CFAP54: variants seen among roughly 807,000 people sequenced by gnomAD.
CFAP54 encodes the protein cilia- and flagella-associated protein 54.
A neutral mutation model predicts 370.4 loss-of-function variants in CFAP54; 290 were observed. That is an observed-to-expected ratio of 0.78 (90% CI 0.71 to 0.86). CFAP54 has a LOEUF of 0.86. CFAP54 is among the 40% of genes least tolerant of loss of function. The pLI, the probability that CFAP54 is intolerant of heterozygous loss-of-function variation, is 0.00. For synonymous variants in CFAP54, 1,206 were observed against 1,236.5 expected (o/e 0.98, Z 0.52); for missense variants, 3,399 against 3,528.7 (o/e 0.96, Z 0.93).
At chr12:96,800,170 G>A (rs746527896) in intron 63 of CFAP54, among the ~76,000 whole-genome samples, 5 of 152,244 alleles carry the variant, frequency 3.3e-5, no homozygotes, top group South Asian at 2.1e-4. Context: ...GGCAGTTTGC[G>A]GCAGGATAAT....
chr12:96,720,564 A>T lies in CFAP54; in HGVS notation c.6964A>T (p.Ser2322Cys). ...TCTGCAGAGGCACCGGGCGGCATAC[A>T]GGTGCGTCTCTCCATGCACAGGGGA... ...VALQRHRAAYSAAIVFSTLTL... is the reference protein window; with the variant it reads ...VALQRHRAAYCAAIVFSTLTL... The change falls in exon 50 of 68, where the codon AGT becomes TGT. Residue 2322 changes from serine (S) to cysteine (C), a missense_variant and splice_region_variant. By Grantham distance (112) the Ser-to-Cys change is moderately radical. Around this residue, in one of 3 missense-constraint regions of CFAP54, gnomAD observed 2,796 missense variants for 2,869.7 expected, o/e 0.97. Coordinates refer to ENST00000524981, the MANE Select transcript of CFAP54 (RefSeq NM_001306084.2). The T allele has an allele frequency of 6.5e-7, 1 of 1,531,176 alleles. No homozygotes were observed. The highest frequency in any genetic ancestry group is 8.8e-7 in the Non-Finnish European group (1 of 1,135,098). The allele number at this position is 1,531,176 out of a possible 1,614,324, so 94.8% of individuals were successfully genotyped here. A position where few individuals can be genotyped will look rare whatever the true frequency, so the allele number is the denominator to read the frequency against.
At chr12:96,664,709 ATATATC>A (rs1565934198) in intron 39 of CFAP54, among the ~76,000 whole-genome samples, 24 of 7,594 alleles carry the variant, frequency 3.2e-3, no homozygotes, top group African/African-American at 5.6e-3. Context: ...ATATATATAT[ATATATC>A]TATATATATC....
At chr12:96,674,217 AAGC>A (rs1957177945) in intron 39 of CFAP54, among the ~76,000 whole-genome samples, 1 of 152,106 alleles carries the variant, frequency 6.6e-6, no homozygotes, top group Non-Finnish European at 1.5e-5. Flanking sequence ...CGAGTGTAGG[AAGC>A]AGCCCAAATT....
At chr12:96,693,870 TA>T in intron 45 of CFAP54, 62 bp downstream of exon 45, 1 of 1,088,460 alleles carries the variant, frequency 9.2e-7, no homozygotes, top group Non-Finnish European at 1.4e-6. Context: ...TGTCATGTAT[TA>T]ATTTGATTCT....
intron 47 of CFAP54, among the ~76,000 whole-genome samples, chr12:96,705,979 C>CT (rs578072984): frequency 7.4e-4 from 111 of 149,148 alleles, no homozygotes; most frequent in Non-Finnish European, 1.1e-3. Context: ...AATAGTTTCT[C>CT]TTTTTTTTTT....
chr12:96,613,084 C>G (rs1956376708), intron 26 of CFAP54, among the ~76,000 whole-genome samples: 1 of 152,212 alleles, frequency 6.6e-6, no homozygotes, highest in Admixed American at 6.5e-5. Flanking sequence ...CTCAGCAACA[C>G]ATTGCACTTA....
chr12:96,758,824 G>A (rs1958297835), intron 58 of CFAP54, among the ~76,000 whole-genome samples: 1 of 152,116 alleles, frequency 6.6e-6, no homozygotes, highest in African/African-American at 2.4e-5. Context: ...CAGTAAATCA[G>A]GGATGGGCTC....
chr12:96,731,886 A>C (rs1275884182), intron 50 of CFAP54, among the ~76,000 whole-genome samples: 1 of 152,178 alleles, frequency 6.6e-6, no homozygotes, highest in Non-Finnish European at 1.5e-5. Context: ...TTTAAAAAAA[A>C]AGATCACTTG....
At chr12:96,874,401 A>G (rs182780788) in intron 67 of CFAP54, among the ~76,000 whole-genome samples, 1 of 152,338 alleles carries the variant, frequency 6.6e-6, no homozygotes, top group African/African-American at 2.4e-5. Flanking sequence ...GCAGAATAGA[A>G]TGAGAGCTCC....
intron 26 of CFAP54, among the ~76,000 whole-genome samples, chr12:96,619,294 C>T (rs1290023373): frequency 6.6e-6 from 1 of 152,180 alleles, no homozygotes; most frequent in Non-Finnish European, 1.5e-5. Context: ...GCCTACAGTT[C>T]CAGGATCCTG....
intron 30 of CFAP54, among the ~76,000 whole-genome samples, chr12:96,627,873 G>C (rs1465544374): frequency 6.6e-6 from 1 of 152,186 alleles, no homozygotes; most frequent in Non-Finnish European, 1.5e-5. Flanking sequence ...GGCAAATGTG[G>C]AGGGCTGGCT....
chr12:96,594,149 G>T, intron 24 of CFAP54, 142 bp from the exon 25 acceptor site: 1 of 543,660 alleles, frequency 1.8e-6, no homozygotes, highest in East Asian at 2.9e-5. Context: ...AGTTAGAGTT[G>T]TTTCTGAATT....
At chr12:96,500,500 T>A (rs970767680) in intron 1 of CFAP54, among the ~76,000 whole-genome samples, 4 of 152,188 alleles carry the variant, frequency 2.6e-5, no homozygotes. Flanking sequence ...ACCATTCTAG[T>A]GGAGATGTTG....
chr12:96,869,933 CA>C (rs760992300), intron 67 of CFAP54, among the ~76,000 whole-genome samples: 1,494 of 36,868 alleles, frequency 0.041, 18 homozygotes, highest in African/African-American at 0.11. Flanking sequence ...AAAACTCCGT[CA>C]AAAAAAAAAA....
intron 1 of CFAP54, among the ~76,000 whole-genome samples, chr12:96,499,770 A>G (rs987566197): frequency 1.3e-5 from 2 of 152,024 alleles, no homozygotes; most frequent in African/African-American, 4.8e-5. Flanking sequence ...ACATGGTGAA[A>G]CCCTGTCTCT....
chr12:96,586,494 G>A (rs1324089346), intron 22 of CFAP54, among the ~76,000 whole-genome samples: 1 of 152,180 alleles, frequency 6.6e-6, no homozygotes, highest in Non-Finnish European at 1.5e-5. Flanking sequence ...GATCAAGGAA[G>A]GCGAGATTTA....
At chr12:96,611,547 G>C (rs989025377) in intron 26 of CFAP54, among the ~76,000 whole-genome samples, 2 of 152,242 alleles carry the variant, frequency 1.3e-5, no homozygotes, top group African/African-American at 4.8e-5. Context: ...GAATGACTTT[G>C]ACGAGTTGAG....
chr12:96,576,557 A>G (rs1341242156), intron 19 of CFAP54, 28 bp from the exon 20 acceptor site: 1 of 1,433,238 alleles, frequency 7.0e-7, no homozygotes, highest in Non-Finnish European at 9.3e-7. Context: ...CTTGACATAT[A>G]TTTTTCTATT....
At chr12:96,491,398 A>G (rs1954883361) in intron 1 of CFAP54, among the ~76,000 whole-genome samples, 1 of 152,182 alleles carries the variant, frequency 6.6e-6, no homozygotes, top group Non-Finnish European at 1.5e-5. Context: ...CTATGTAGGT[A>G]GTTGGACATT....
Sources: allele counts gnomAD v4.1 joint callset (sites outside exome capture counted in the v4.1 genomes callset), GRCh38; gene constraint gnomAD v4.1.1; regional missense constraint gnomAD v4.1.1; transcripts MANE v1.5; gene names NCBI Gene and HGNC (gene_info 2026-07-23, HGNC 2026-07-21).